KCNT2: variants seen among roughly 807,000 people sequenced by gnomAD.
KCNT2 encodes the protein potassium channel subfamily T member 2.
A neutral mutation model predicts 153.8 loss-of-function variants in KCNT2; 67 were observed. That is an observed-to-expected ratio of 0.44 (90% CI 0.36 to 0.53). The LOEUF (loss-of-function observed/expected upper bound fraction) is 0.53, where lower values mean the gene tolerates loss of function less well. Ranked by LOEUF, KCNT2 falls within the 20% of genes least tolerant of loss-of-function variation. The pLI is 0.00. For missense variants in KCNT2, 975 were observed against 1,354.8 expected (o/e 0.72, Z 4.40); for synonymous variants, 500 against 458.8 (o/e 1.09, Z -1.15).
intron 21 of KCNT2, 63 bp from the exon 22 acceptor site, chr1:196,305,408 A>T: frequency 1.1e-6 from 1 of 890,556 alleles, no homozygotes; most frequent in East Asian, 2.5e-5. Context: ...TTATAACAAC[A>T]TATTTATGAG....
intron 1 of KCNT2, among the ~76,000 whole-genome samples, chr1:196,510,656 A>G (rs1681539324): frequency 6.6e-6 from 1 of 152,234 alleles, no homozygotes. Flanking sequence ...TGTGTTAAGT[A>G]TCATAGAAGT....
intron 1 of KCNT2, among the ~76,000 whole-genome samples, chr1:196,553,187 T>C (rs1658180340): frequency 6.6e-6 from 1 of 150,486 alleles, no homozygotes. Flanking sequence ...TCCTCTATAA[T>C]GAAAATAATA....
intron 10 of KCNT2, among the ~76,000 whole-genome samples, chr1:196,427,365 G>C (rs1673747103): frequency 6.6e-6 from 1 of 151,944 alleles, no homozygotes; most frequent in Admixed American, 6.6e-5. Context: ...GTAAGGAAAG[G>C]ATAATTAGAA....
intron 26 of KCNT2, among the ~76,000 whole-genome samples, chr1:196,249,775 C>CAA (rs1256536345): frequency 8.1e-6 from 1 of 124,080 alleles, no homozygotes; most frequent in Non-Finnish European, 1.7e-5. Context: ...GACTCTGTCT[C>CAA]AAAAAAAAAA....
At chr1:196,329,225 C>T (rs1438538333) in intron 18 of KCNT2, among the ~76,000 whole-genome samples, 2 of 151,922 alleles carry the variant, frequency 1.3e-5, no homozygotes, top group African/African-American at 4.8e-5. Flanking sequence ...CTGCATAATC[C>T]CATACTGTTC....
chr1:196,228,275 G>C lies in KCNT2; in HGVS notation c.3357C>G (p.Asn1119Lys), dbSNP rs749151734. The change falls in exon 28 of 28, where the codon AAC becomes AAG. Residue 1119 changes from asparagine to lysine, a missense_variant. Around this residue, in one of 6 missense-constraint regions of KCNT2, gnomAD observed 241 missense variants for 271.1 expected, o/e 0.89. Transcript: ENST00000294725. ...YLPNSEPSRRNSICNVTGQDS... is the reference protein window; with the variant it reads ...YLPNSEPSRRKSICNVTGQDS... ...CTTGACCAGTGACATTGCAGATGCT[G>C]TTTCTTCGACTGGGCTCACTGTTTG... 4 of 1,611,876 alleles carry C rather than the reference G, an allele frequency of 2.5e-6. No homozygotes were observed. The highest frequency in any genetic ancestry group is 1.7e-6 in the Non-Finnish European group (2 of 1,178,612).
At chr1:196,289,967 T>A (rs1051739915) in intron 22 of KCNT2, among the ~76,000 whole-genome samples, 4 of 152,088 alleles carry the variant, frequency 2.6e-5, no homozygotes, top group African/African-American at 9.7e-5. Flanking sequence ...CATGAACATG[T>A]GCCTTTCTTG....
At chr1:196,350,355 C>T (rs1447951492) in intron 14 of KCNT2, among the ~76,000 whole-genome samples, 1 of 152,154 alleles carries the variant, frequency 6.6e-6, no homozygotes, top group African/African-American at 2.4e-5. Flanking sequence ...TCTCCACATC[C>T]TCTCCAGCAC....
intron 1 of KCNT2, among the ~76,000 whole-genome samples, chr1:196,590,745 G>A (rs1030209122): frequency 3.3e-5 from 5 of 152,120 alleles, no homozygotes; most frequent in African/African-American, 1.2e-4. Context: ...CAGTAAAATC[G>A]AGTTCACCTC....
intron 15 of KCNT2, among the ~76,000 whole-genome samples, chr1:196,341,763 A>G (rs564290321): frequency 2.6e-5 from 4 of 152,112 alleles, no homozygotes; most frequent in East Asian, 1.9e-4. Flanking sequence ...TTAGTTCCTA[A>G]TCAACATCTT....
At chr1:196,287,589 A>G (rs556384241) in intron 22 of KCNT2, among the ~76,000 whole-genome samples, 1 of 152,118 alleles carries the variant, frequency 6.6e-6, no homozygotes, top group Non-Finnish European at 1.5e-5. Flanking sequence ...CCATCTCCAC[A>G]CATCTGAATC....
chr1:196,248,474 CT>C (rs1191563047), intron 26 of KCNT2, among the ~76,000 whole-genome samples: 1 of 152,042 alleles, frequency 6.6e-6, no homozygotes, highest in Middle Eastern at 3.2e-3. Flanking sequence ...ACAACTGATA[CT>C]GCAGAAATAC....
chr1:196,272,954 G>C (rs1290659977), intron 25 of KCNT2, among the ~76,000 whole-genome samples: 2 of 151,798 alleles, frequency 1.3e-5, no homozygotes, highest in Non-Finnish European at 2.9e-5. Flanking sequence ...TTTGCTAAGA[G>C]AGATCTTAAG....
At chr1:196,426,141 T>C (rs1057257519) in intron 10 of KCNT2, among the ~76,000 whole-genome samples, 153 bp from the exon 11 acceptor site, 2 of 152,068 alleles carry the variant, frequency 1.3e-5, no homozygotes, top group African/African-American at 4.8e-5. Context: ...TGGACATATA[T>C]TAAATAGCAA....
At chr1:196,334,483 C>CTTTTTTTTTTTTTTTTTTTT (rs757677685) in intron 16 of KCNT2, among the ~76,000 whole-genome samples, 6 of 42,338 alleles carry the variant, frequency 1.4e-4, no homozygotes, top group Admixed American at 2.2e-4. Context: ...TTCTTTCTTT[C>CTTTTTTTTTTTTTTTTTTTT]TTTCTTTTTT....
At chr1:196,462,036 T>A (rs937423663) in intron 8 of KCNT2, among the ~76,000 whole-genome samples, 1 of 151,728 alleles carries the variant, frequency 6.6e-6, no homozygotes, top group African/African-American at 2.4e-5. Flanking sequence ...CAAGTTCTGA[T>A]TTAGTAATGT....
chr1:196,577,971 T>A (rs796715676), intron 1 of KCNT2, among the ~76,000 whole-genome samples: 9 of 152,302 alleles, frequency 5.9e-5, no homozygotes, highest in African/African-American at 2.2e-4. Context: ...ATGCATGTTA[T>A]TTTAAAACGT....
At chr1:196,437,230 T>TTATA (rs1270820714) in intron 8 of KCNT2, among the ~76,000 whole-genome samples, 2 of 116,778 alleles carry the variant, frequency 1.7e-5, no homozygotes, top group South Asian at 2.8e-4. Flanking sequence ...TTAAGAAAGC[T>TTATA]TATATATATA....
In KCNT2 at chr1:196,228,010, A is replaced by T. The variant is rs921235507; in HGVS notation, c.*214T>A. 2.8e-6 allele frequency: 1 copy of T among 362,336 alleles called. No homozygotes were observed. Among genetic ancestry groups the T allele is most frequent in the Non-Finnish European group, 4.9e-6 (1 of 203,606 alleles). 22.4% of individuals were successfully genotyped at this position (362,336 alleles called of 1,614,324 possible). A position where few individuals can be genotyped will look rare whatever the true frequency, so the allele number is the denominator to read the frequency against. ...TTTGTATTTTAATTTAGCTTTTCAA[A>T]TTTATTCCATTGAGGTCCTTCAAAT... On this transcript the variant is annotated 3_prime_UTR_variant, in exon 28 of 28. Coordinates refer to ENST00000294725, the MANE Select transcript of KCNT2 (RefSeq NM_198503.5).
Sources: allele counts gnomAD v4.1 joint callset (sites outside exome capture counted in the v4.1 genomes callset), GRCh38; gene constraint gnomAD v4.1.1; regional missense constraint gnomAD v4.1.1; transcripts MANE v1.5; gene names NCBI Gene and HGNC (gene_info 2026-07-23, HGNC 2026-07-21).